ADK: variants seen among roughly 807,000 people sequenced by gnomAD.
ADK encodes N6,N6-dimethyladenosine kinase.
ADK carries 24 observed loss-of-function variants against 44.7 expected under a neutral mutation model. That is an observed-to-expected ratio of 0.54 (90% CI 0.39 to 0.76). The LOEUF is 0.76. Among genes scored for constraint, ADK ranks in the 30% least tolerant of loss-of-function variants. ADK has a pLI of 0.00. For missense variants in ADK, 321 were observed against 425.1 expected, an observed-to-expected ratio of 0.76 and a Z score of 2.15; for synonymous variants, 128 against 142.6, an observed-to-expected ratio of 0.90 and a Z score of 0.73.
intron 10 of ADK, among the ~76,000 whole-genome samples, chr10:74,702,898 A>G (rs1398874948): frequency 2.0e-5 from 3 of 152,028 alleles, no homozygotes; most frequent in Admixed American, 6.6e-5. Flanking sequence ...TGCCTGGCCT[A>G]TGTGATCTTA....
At chr10:74,168,765 A>G (rs1015444761) in intron 1 of ADK, among the ~76,000 whole-genome samples, 2 of 151,370 alleles carry the variant, frequency 1.3e-5, no homozygotes, top group African/African-American at 2.4e-5. Flanking sequence ...GGCATGTGCC[A>G]CCACACCCGG....
intron 10 of ADK, among the ~76,000 whole-genome samples, chr10:74,674,791 A>G (rs1359184216): frequency 6.6e-6 from 1 of 152,182 alleles, no homozygotes; most frequent in Non-Finnish European, 1.5e-5. Context: ...CTGAGGCAGG[A>G]GATTCACTTG....
intron 4 of ADK, among the ~76,000 whole-genome samples, chr10:74,335,772 C>T (rs1183411554): frequency 6.6e-6 from 1 of 152,128 alleles, no homozygotes; most frequent in African/African-American, 2.4e-5. Context: ...TTCTACTTCC[C>T]TAATTATGTG....
intron 4 of ADK, among the ~76,000 whole-genome samples, chr10:74,316,892 C>CTT (rs3037395): frequency 8.6e-5 from 13 of 151,250 alleles, no homozygotes; most frequent in African/African-American, 3.2e-4. Context: ...TTCTTTTGCA[C>CTT]TTTTTTTTTT....
At chr10:74,346,827 C>T (rs531348450) in intron 4 of ADK, among the ~76,000 whole-genome samples, 3 of 151,896 alleles carry the variant, frequency 2.0e-5, no homozygotes, top group South Asian at 2.1e-4. Context: ...CATTTATTTT[C>T]GATACTTAAG....
At chr10:74,668,613 G>A (rs1245674866) in intron 9 of ADK, among the ~76,000 whole-genome samples, 1 of 152,178 alleles carries the variant, frequency 6.6e-6, no homozygotes, top group Non-Finnish European at 1.5e-5. Context: ...GCACATGACT[G>A]TAATCCCAGC....
intron 3 of ADK, among the ~76,000 whole-genome samples, chr10:74,286,420 T>C (rs1480676315): frequency 1.3e-5 from 2 of 152,214 alleles, no homozygotes; most frequent in Non-Finnish European, 2.9e-5. Context: ...AAGGCTTTAC[T>C]GAGTGCTCAA....
At chr10:74,369,308 A>G (rs1473104675) in intron 4 of ADK, among the ~76,000 whole-genome samples, 3 of 152,330 alleles carry the variant, frequency 2.0e-5, no homozygotes, top group Admixed American at 6.5e-5. Flanking sequence ...ATGAGCCATG[A>G]TTGTGCCGCT....
At chr10:74,365,563 T>C (rs543550926) in intron 4 of ADK, among the ~76,000 whole-genome samples, 3 of 152,368 alleles carry the variant, frequency 2.0e-5, no homozygotes, top group African/African-American at 7.2e-5. Context: ...AATGCCTGAT[T>C]TTGATTCATT....
chr10:74,689,164 G>T (rs1855895109), intron 10 of ADK, among the ~76,000 whole-genome samples: 1 of 149,874 alleles, frequency 6.7e-6, no homozygotes, highest in Admixed American at 6.7e-5. Context: ...CAGGAGAATG[G>T]CATGAACCTG....
At chr10:74,201,079 G>T (rs1843359114) in intron 2 of ADK, among the ~76,000 whole-genome samples, 1 of 152,124 alleles carries the variant, frequency 6.6e-6, no homozygotes. Flanking sequence ...TATTTGGAAG[G>T]AGAAAAGTTT....
chr10:74,369,665 G>A (rs542860496), intron 4 of ADK, among the ~76,000 whole-genome samples: 3 of 152,130 alleles, frequency 2.0e-5, no homozygotes, highest in East Asian at 1.9e-4. Flanking sequence ...GCATCTATAA[G>A]GAACCAATGG....
intron 6 of ADK, among the ~76,000 whole-genome samples, chr10:74,518,522 A>T (rs1205877654): frequency 1.3e-5 from 2 of 152,196 alleles, no homozygotes; most frequent in African/African-American, 2.4e-5. Context: ...TATTGAGTTA[A>T]GCTTTTTACT....
intron 1 of ADK, among the ~76,000 whole-genome samples, chr10:74,170,857 T>C (rs1466067067): frequency 6.6e-6 from 1 of 151,088 alleles, no homozygotes; most frequent in Non-Finnish European, 1.5e-5. Context: ...ATAAAAATTA[T>C]AACTATAAAA....
intron 6 of ADK, among the ~76,000 whole-genome samples, chr10:74,512,946 G>A (rs1217757205): frequency 6.6e-6 from 1 of 151,732 alleles, no homozygotes; most frequent in African/African-American, 2.4e-5. Context: ...CATAGGTTTT[G>A]GTATGTTGTG....
intron 3 of ADK, among the ~76,000 whole-genome samples, chr10:74,232,454 T>A (rs1844801065): frequency 6.6e-6 from 1 of 151,120 alleles, no homozygotes; most frequent in East Asian, 2.0e-4. Flanking sequence ...CCCAGGAAGT[T>A]GAGGCTGCAG....
chr10:74,310,668 T>C (rs1840403164), intron 3 of ADK, among the ~76,000 whole-genome samples: 1 of 152,188 alleles, frequency 6.6e-6, no homozygotes, highest in South Asian at 2.1e-4. Flanking sequence ...ACACTGTTGC[T>C]AAATAGAGTT....
At chr10:74,427,543 T>A (rs935864602) in intron 6 of ADK, among the ~76,000 whole-genome samples, 4 of 152,044 alleles carry the variant, frequency 2.6e-5, no homozygotes, top group Admixed American at 1.3e-4. Flanking sequence ...CAGAGACTAT[T>A]TTGAGCAAAT....
chr10:74,695,098 A>G (rs1413273707), intron 10 of ADK, among the ~76,000 whole-genome samples: 1 of 152,022 alleles, frequency 6.6e-6, no homozygotes, highest in East Asian at 1.9e-4. Flanking sequence ...CCTTTTCTCT[A>G]TTTATTTATA....
Sources: allele counts gnomAD v4.1 joint callset (sites outside exome capture counted in the v4.1 genomes callset), GRCh38; gene constraint gnomAD v4.1.1; transcripts MANE v1.5; gene names NCBI Gene and HGNC (gene_info 2026-07-23, HGNC 2026-07-21).